CFAP46: variants seen among roughly 807,000 people sequenced by gnomAD.
CFAP46 encodes cilia and flagella associated protein 46.
In CFAP46, 245 loss-of-function variants were observed where a neutral mutation model predicts 325.7. The ratio of observed to expected loss-of-function variants is 0.75; its 90% CI spans 0.68 to 0.84. The LOEUF is 0.84. Ranked by LOEUF, CFAP46 falls within the 40% of genes least tolerant of loss-of-function variation. The pLI, the probability that CFAP46 is intolerant of heterozygous loss-of-function variation, is 0.00. For missense variants in CFAP46, 3,346 were observed against 3,543.0 expected (o/e 0.94, Z 1.41); for synonymous variants, 1,523 against 1,495.9 (o/e 1.02, Z -0.42).
intron 22 of CFAP46, among the ~76,000 whole-genome samples, chr10:132,906,196 C>G (rs1345759940): frequency 6.6e-6 from 1 of 152,246 alleles, no homozygotes; most frequent in African/African-American, 2.4e-5. Flanking sequence ...ACGTGGGGCA[C>G]CACGCATGGC....
intron 50 of CFAP46, among the ~76,000 whole-genome samples, chr10:132,818,197 G>A (rs1051892044): frequency 1.3e-5 from 2 of 152,118 alleles, no homozygotes; most frequent in African/African-American, 2.4e-5. Context: ...AGTGGTGGCC[G>A]CGCCGGGCAG....
chr10:132,833,671 GC>G, intron 49 of CFAP46, 146 bp from the exon 50 acceptor site: 2 of 764,106 alleles, frequency 2.6e-6, no homozygotes, highest in Non-Finnish European at 2.1e-6. Flanking sequence ...TCCTCCAGAT[GC>G]CCCAGAACGG....
chr10:132,889,470 G>A lies in CFAP46; in HGVS notation c.3304+2863C>T, dbSNP rs369022457. ...GCACTGGCCAGAGAAGCGGGTCTGC[G>A]TCTGAAACTTGGGAACCCTGAGCCC... On this transcript the variant is annotated intron_variant, in intron 25 of 57. Coordinates refer to ENST00000368586, the MANE Select transcript of CFAP46 (RefSeq NM_001200049.3). The surrounding 1 kb of genome is among the most constrained non-coding windows in gnomAD (Gnocchi z 6.0). 1.3e-5 allele frequency among the ~76,000 whole-genome samples: 2 copies of A among 152,302 alleles called. No individual in the cohort carries two copies. Among genetic ancestry groups the A allele is most frequent in the East Asian group, 1.9e-4 (1 of 5,188 alleles).
intron 10 of CFAP46, 43 bp downstream of exon 10, chr10:132,926,525 T>C (rs1849814184): frequency 7.1e-7 from 1 of 1,407,836 alleles, no homozygotes; most frequent in Admixed American, 2.0e-5. Context: ...TCCAGGAATC[T>C]GCAAAATAAT....
At chr10:132,860,270 G>C in intron 37 of CFAP46, 147 bp downstream of exon 37, 1 of 615,394 alleles carries the variant, frequency 1.6e-6, no homozygotes, top group Middle Eastern at 2.6e-4. Context: ...GAGCTTTCTG[G>C]AGCTGCACGG....
chr10:132,821,654 ATGTGTGCTGTGTGTGCTG>A (rs200594242), intron 50 of CFAP46, among the ~76,000 whole-genome samples: 1 of 89,572 alleles, frequency 1.1e-5, no homozygotes, highest in African/African-American at 4.9e-5. Context: ...GTGAGTGCTG[ATGTGTGCTGTGTGTGCTG>A]TGTGTGCTGA....
chr10:132,874,046 T>C (rs1407973540), intron 31 of CFAP46, among the ~76,000 whole-genome samples: 1 of 152,194 alleles, frequency 6.6e-6, no homozygotes, highest in African/African-American at 2.4e-5. Flanking sequence ...TACCAGGGAA[T>C]TCTTCCACGC....
At chr10:132,928,532 C>T (rs1271137953) in intron 9 of CFAP46, among the ~76,000 whole-genome samples, 1 of 152,216 alleles carries the variant, frequency 6.6e-6, no homozygotes, top group Non-Finnish European at 1.5e-5. Flanking sequence ...ATTTCCAGAT[C>T]AGCACAGCCC....
intron 50 of CFAP46, among the ~76,000 whole-genome samples, chr10:132,823,386 A>G (rs1468734972): frequency 3.6e-4 from 20 of 56,320 alleles, no homozygotes; most frequent in South Asian, 6.7e-4. Flanking sequence ...CTGTGTGTGC[A>G]CTGATGTGTG....
chr10:132,838,925 G>T (rs1304477147), intron 44 of CFAP46, among the ~76,000 whole-genome samples: 1 of 152,226 alleles, frequency 6.6e-6, no homozygotes. Flanking sequence ...TCTGGTTGGT[G>T]TCTGGTTATC....
Position 132,832,394 on chromosome 10 carries a change from C to G in CFAP46, c.7117+964G>C, listed in dbSNP as rs975109407. Among the ~76,000 whole-genome samples, 3 of 139,444 alleles carry G rather than the reference C, an allele frequency of 2.2e-5. No individual in the cohort carries two copies. The highest frequency in any genetic ancestry group is 2.3e-4 in the East Asian group (1 of 4,378). 91.5% of individuals were successfully genotyped at this position (139,444 alleles called of 152,430 possible). A position where few individuals can be genotyped will look rare whatever the true frequency, so the allele number is the denominator to read the frequency against. ...AGACCCCTGGGCTCTTCCTGCCCCC[C>G]CCCCCCAATGCTGTGGCCTGGAAAT... On this transcript the variant is annotated intron_variant, in intron 50 of 57. Transcript: ENST00000368586. The surrounding 1 kb of genome is among the most constrained non-coding windows in gnomAD (Gnocchi z 4.1).
At chr10:132,863,823 C>CG (rs1848760271) in intron 35 of CFAP46, among the ~76,000 whole-genome samples, 1 of 136,916 alleles carries the variant, frequency 7.3e-6, no homozygotes, top group African/African-American at 2.8e-5. Flanking sequence ...ACCTGTCCCC[C>CG]TGCCTGAGAC....
At chr10:132,927,651 C>T (rs149109368) in intron 9 of CFAP46, among the ~76,000 whole-genome samples, 281 of 152,366 alleles carry the variant, frequency 1.8e-3, no homozygotes, top group African/African-American at 4.9e-3. Context: ...GCTTCCCACA[C>T]GTTCACGGAT....
intron 32 of CFAP46, among the ~76,000 whole-genome samples, chr10:132,870,515 G>C (rs1310597143): frequency 6.6e-6 from 1 of 152,116 alleles, no homozygotes; most frequent in Non-Finnish European, 1.5e-5. Context: ...GCTCCTACAG[G>C]GAACATATGA....
rs188871510 is a variant in CFAP46 at position 132,860,934 on chromosome 10, G to C, written c.4939C>G (p.Gln1647Glu). Reference protein sequence around the residue: ...AEAQCLLLLAQLANKEKNYGQ... With the variant: ...AEAQCLLLLAELANKEKNYGQ... ...TAGTTTTTCTCCTTGTTGGCCAACTGTGCGAGGAGGAGCAGGCACTGGGCC... is the reference window on the plus strand; with the variant it reads ...TAGTTTTTCTCCTTGTTGGCCAACTCTGCGAGGAGGAGCAGGCACTGGGCC... Residue 1647 changes from glutamine to glutamate, a missense_variant, in exon 36 of 58, where the codon CAG becomes GAG. Physicochemically the swap from Gln to Glu is conservative, Grantham distance 29 (BLOSUM62 2). Coordinates refer to ENST00000368586, the MANE Select transcript of CFAP46 (RefSeq NM_001200049.3). 6 of 1,550,586 alleles carry C rather than the reference G, an allele frequency of 3.9e-6. No individual in the cohort carries two copies. In the South Asian group the frequency reaches 7.1e-5, roughly 18 times the overall value.
rs532394355 is a variant in CFAP46 at position 132,885,824 on chromosome 10, C to A, written c.3440G>T (p.Arg1147Leu). The change falls in exon 26 of 58, where the codon CGC becomes CTC. Residue 1147 changes from arginine (R) to leucine (L), a missense_variant. Transcript: ENST00000368586. ...AGGCGGTGGGGGGAGCACTCACAGG[C>A]GGTGGGCCGTCCTTGGCAGCACCTG... ...AVQVLPRTAHRLLIFKHMVIV... is the reference protein window; with the variant it reads ...AVQVLPRTAHLLLIFKHMVIV... 1.3e-6 allele frequency: 2 copies of A among 1,519,628 alleles called. No homozygotes were observed. Among genetic ancestry groups the A allele is most frequent in the Non-Finnish European group, 1.8e-6 (2 of 1,129,636 alleles). 94.1% of individuals were successfully genotyped at this position (1,519,628 alleles called of 1,614,324 possible).
At chr10:132,933,468 G>A (rs888850710) in intron 8 of CFAP46, among the ~76,000 whole-genome samples, 1 of 152,234 alleles carries the variant, frequency 6.6e-6, no homozygotes, top group Non-Finnish European at 1.5e-5. Context: ...ACGCTTGGCC[G>A]GACTTCAGTT....
chr10:132,860,633 T>C, intron 36 of CFAP46, 110 bp from the exon 37 acceptor site: 1 of 1,153,300 alleles, frequency 8.7e-7, no homozygotes. Context: ...CAGGCGGGGG[T>C]AGATACGGGT....
intron 50 of CFAP46, among the ~76,000 whole-genome samples, chr10:132,831,129 G>A (rs1848140166): frequency 1.3e-5 from 2 of 151,974 alleles, no homozygotes. Flanking sequence ...ACTCCACTGT[G>A]GTCAGAGAAC....
Sources: gnomAD v4.1 joint callset for allele counts (sites outside exome capture counted in the v4.1 genomes callset) on GRCh38, gnomAD v4.1.1 for gene constraint, Gnocchi (gnomAD v3.1) non-coding constraint, MANE v1.5 for transcripts, NCBI Gene and HGNC (gene_info 2026-07-23, HGNC 2026-07-21) for gene names.